MAP2K1: variants seen among roughly 807,000 people sequenced by gnomAD.
The protein encoded by MAP2K1 is mitogen-activated protein kinase kinase 1, also known as dual specificity mitogen-activated protein kinase kinase 1.
Under a neutral mutation model 46.3 loss-of-function variants are expected in MAP2K1, and 16 were observed. The ratio of observed to expected loss-of-function variants is 0.35; its 90% confidence interval spans 0.23 to 0.52. MAP2K1 has a LOEUF of 0.52. Among genes scored for constraint, MAP2K1 ranks in the 20% least tolerant of loss-of-function variants. The pLI, the probability that MAP2K1 is intolerant of heterozygous loss-of-function variation, is 0.94. For synonymous variants in MAP2K1, 183 were observed against 185.6 expected (o/e 0.99, Z 0.11); for missense variants, 263 against 497.1 (o/e 0.53, Z 4.48).
chr15:66,488,433 C>A (rs1893124515), intron 8 of MAP2K1, among the ~76,000 whole-genome samples: 1 of 152,150 alleles, frequency 6.6e-6, no homozygotes, highest in South Asian at 2.1e-4. Context: ...GGCTGTACAT[C>A]AGAGCAGTGA....
intron 1 of MAP2K1, 76 bp downstream of exon 1, chr15:66,387,503 G>C: frequency 7.0e-7 from 1 of 1,428,224 alleles, no homozygotes; most frequent in Non-Finnish European, 9.6e-7. Context: ...CGCGCGCCAG[G>C]CTCCGATCTG....
chr15:66,463,429 A>T, intron 5 of MAP2K1, among the ~76,000 whole-genome samples: 1 of 152,230 alleles, frequency 6.6e-6, no homozygotes, highest in East Asian at 1.9e-4. Flanking sequence ...CATGCCCATG[A>T]CACAGCCTCA....
At position 66,441,767 on chromosome 15, in the gene MAP2K1, C is replaced by A. The variant is rs560377472; in HGVS notation, c.439-1513C>A. Among the ~76,000 whole-genome samples the A allele has an allele frequency of 2.9e-3, 434 of 149,052 alleles. 2 individuals are homozygous for A. Among genetic ancestry groups the A allele is most frequent in the African/African-American group, 0.01 (419 of 40,302 alleles). On this transcript the variant is annotated intron_variant, in intron 3 of 10. Coordinates refer to ENST00000307102, the MANE Select transcript of MAP2K1 (RefSeq NM_002755.4). ...TAAAAAAAGACAAAAAAAAAAAAAA[C>A]CTAGTTCTTACATATACAGAGGCAT...
intron 5 of MAP2K1, among the ~76,000 whole-genome samples, chr15:66,478,623 C>G (rs1392865312): frequency 6.6e-6 from 1 of 151,248 alleles, no homozygotes. Context: ...CTCAGCCTCC[C>G]TAGTAGCTGG....
At chr15:66,482,646 G>A (rs1892940081) in intron 6 of MAP2K1, among the ~76,000 whole-genome samples, 1 of 152,210 alleles carries the variant, frequency 6.6e-6, no homozygotes, top group Non-Finnish European at 1.5e-5. Context: ...TGGGGACAGG[G>A]ACAAGGTGTC....
intron 5 of MAP2K1, among the ~76,000 whole-genome samples, chr15:66,454,035 C>A (rs1892102691): frequency 6.6e-6 from 1 of 152,186 alleles, no homozygotes; most frequent in African/African-American, 2.4e-5. Flanking sequence ...TAATTTATTA[C>A]CTTACACAGT....
At chr15:66,471,897 T>G (rs954712950) in intron 5 of MAP2K1, among the ~76,000 whole-genome samples, 1 of 151,326 alleles carries the variant, frequency 6.6e-6, no homozygotes, top group Non-Finnish European at 1.5e-5. Flanking sequence ...GCCAACATGG[T>G]GAAACCCCGT....
intron 1 of MAP2K1, among the ~76,000 whole-genome samples, chr15:66,418,118 T>C (rs2093428729): frequency 6.6e-6 from 1 of 152,132 alleles, no homozygotes; most frequent in Non-Finnish European, 1.5e-5. Flanking sequence ...CGTTGCAGAG[T>C]TTTGGGGAAT....
chr15:66,434,365 G>A (rs939187529), intron 1 of MAP2K1, among the ~76,000 whole-genome samples: 1 of 152,334 alleles, frequency 6.6e-6, no homozygotes, highest in East Asian at 1.9e-4. Flanking sequence ...GTCCATGTGC[G>A]AAGGATGATG....
At chr15:66,478,401 TATATATATATATACACACAG>T (rs1263940181) in intron 5 of MAP2K1, among the ~76,000 whole-genome samples, 171 of 98,638 alleles carry the variant, frequency 1.7e-3, no homozygotes, top group Middle Eastern at 0.015. Context: ...TATGTGTGTG[TATATATATATATACACACAG>T]GTATATATAT....
chr15:66,403,056 G>A (rs1328408663), intron 1 of MAP2K1, among the ~76,000 whole-genome samples: 1 of 152,164 alleles, frequency 6.6e-6, no homozygotes, highest in Non-Finnish European at 1.5e-5. Flanking sequence ...CTCTAGACCT[G>A]GGCCTTCATT....
chr15:66,435,016 CT>C lies in MAP2K1; in HGVS notation c.81-8del. The C allele has an allele frequency of 6.3e-7, 1 of 1,595,158 alleles. No homozygotes were observed. Among genetic ancestry groups the C allele is most frequent in the Non-Finnish European group, 8.6e-7 (1 of 1,162,938 alleles). ...TGACAGTATTGACTTGTGCTCCCCA[CT>C]TTGGAACAGGACCAACTTGGAGGCC... On this transcript the variant is annotated splice_polypyrimidine_tract_variant and intron_variant, in intron 1 of 10. Coordinates refer to ENST00000307102, the MANE Select transcript of MAP2K1 (RefSeq NM_002755.4).
chr15:66,444,799 T>TAA (rs943998042), intron 5 of MAP2K1, 92 bp downstream of exon 5: 3 of 1,067,520 alleles, frequency 2.8e-6, no homozygotes, highest in Non-Finnish European at 4.3e-6. Context: ...TGTTTTCGTG[T>TAA]AAAAGCCTTT....
intron 5 of MAP2K1, among the ~76,000 whole-genome samples, chr15:66,468,780 A>G (rs1253666502): frequency 2.6e-5 from 4 of 151,090 alleles, no homozygotes; most frequent in African/African-American, 9.8e-5. Flanking sequence ...AAAATACAAA[A>G]ATTAGCTGGA....
intron 5 of MAP2K1, among the ~76,000 whole-genome samples, chr15:66,455,042 G>A (rs1892131227): frequency 6.6e-6 from 1 of 152,180 alleles, no homozygotes; most frequent in Non-Finnish European, 1.5e-5. Flanking sequence ...AACTCTAACA[G>A]TGCTATTGCT....
intron 5 of MAP2K1, among the ~76,000 whole-genome samples, chr15:66,462,120 T>G (rs977051302): frequency 1.3e-5 from 2 of 152,220 alleles, no homozygotes; most frequent in Non-Finnish European, 2.9e-5. Context: ...GAAAGGTTTA[T>G]GGGTGAATTA....
rs2093439096 is a variant in MAP2K1, at chr15:66,420,859, G to GTATATGTGTATATATATGTGTA, written c.81-14163_81-14162insGTGTATATATATGTGTATATAT. 1.9e-5 allele frequency among the ~76,000 whole-genome samples: 2 copies of GTATATGTGTATATATATGTGTA among 104,936 alleles called. 1 individual carries two copies. Among genetic ancestry groups the GTATATGTGTATATATATGTGTA allele is most frequent in the Admixed American group, 2.0e-4 (2 of 10,114 alleles). 68.8% of individuals were successfully genotyped at this position (104,936 alleles called of 152,430 possible). The stretch of plus-strand genomic sequence containing the variant: ...TATATATGTGTGTATATATATGTGT[G>GTATATGTGTATATATATGTGTA]TATATATATGTGTGTATATATATGT... On this transcript the variant is annotated intron_variant, in intron 1 of 10. Transcript: ENST00000307102.
chr15:66,390,631 A>G (rs1330873984), intron 1 of MAP2K1, among the ~76,000 whole-genome samples: 1 of 152,150 alleles, frequency 6.6e-6, no homozygotes, highest in Non-Finnish European at 1.5e-5. Flanking sequence ...TTGCAGAAAC[A>G]TGTGAGCATA....
In MAP2K1 at chr15:66,435,102, C is replaced by T. The variant is rs147489724; in HGVS notation, c.156C>T (p.Ala52=). 13 of 1,613,998 alleles carry T rather than the reference C, an allele frequency of 8.1e-6. No homozygotes were observed. Among genetic ancestry groups the T allele is most frequent in the Non-Finnish European group, 9.3e-6 (11 of 1,180,014 alleles). Residue 52 remains alanine (A), a synonymous_variant, in exon 2 of 11, where the codon GCC becomes GCT. Coordinates refer to ENST00000307102, the MANE Select transcript of MAP2K1 (RefSeq NM_002755.4). ...LDEQQRKRLE[A]FLTQKQKVGE... ...AGCAGCAGCGAAAGCGCCTTGAGGC[C>T]TTTCTTACCCAGAAGCAGAAGGTGG... is the stretch of plus-strand genomic sequence containing the variant.
Sources: gnomAD v4.1 joint callset for allele counts (sites outside exome capture counted in the v4.1 genomes callset) on GRCh38, gnomAD v4.1.1 for gene constraint, MANE v1.5 for transcripts, NCBI Gene and HGNC (gene_info 2026-07-23, HGNC 2026-07-21) for gene names.